Variants in UNC13C observed in about 807,000 individuals in gnomAD.
The protein encoded by UNC13C is protein unc-13 homolog C.
UNC13C carries 174 observed loss-of-function variants against 245.4 expected under a neutral mutation model. The observed-to-expected ratio is 0.71, with a 90% CI of 0.63 to 0.80. The LOEUF is 0.80. Among genes scored for constraint, UNC13C ranks in the 30% least tolerant of loss-of-function variants. UNC13C has a pLI of 0.00. For missense variants in UNC13C, 2,829 were observed against 2,602.9 expected (o/e 1.09, Z -1.89); for synonymous variants, 992 against 895.1 (o/e 1.11, Z -1.93).
chr15:54,462,910 G>T (rs1891934849), intron 19 of UNC13C, among the ~76,000 whole-genome samples: 1 of 152,126 alleles, frequency 6.6e-6, no homozygotes, highest in Non-Finnish European at 1.5e-5. Context: ...AAGCCAGCTG[G>T]GCTCCTGAGT....
At chr15:53,937,501 A>G in the UNC13C span, among the ~76,000 whole-genome samples, 3 of 152,320 alleles carry the variant, frequency 2.0e-5, no homozygotes, top group East Asian at 5.8e-4. Context: ...CTAGCAAGAC[A>G]GGCCAGCATT....
intron 2 of UNC13C, among the ~76,000 whole-genome samples, chr15:54,019,070 G>T (rs1895784941): frequency 6.6e-6 from 1 of 152,102 alleles, no homozygotes; most frequent in South Asian, 2.1e-4. Context: ...CCCTTTCCAG[G>T]CTGTTTACCT....
At chr15:54,165,857 T>A (rs145349568) in intron 4 of UNC13C, among the ~76,000 whole-genome samples, 113 of 152,128 alleles carry the variant, frequency 7.4e-4, no homozygotes, top group African/African-American at 2.6e-3. Context: ...TCCCTCCCTC[T>A]CTTTTTCTCC....
At chr15:54,325,568 A>C (rs2038278819) in intron 14 of UNC13C, among the ~76,000 whole-genome samples, 1 of 149,296 alleles carries the variant, frequency 6.7e-6, no homozygotes. Flanking sequence ...CCAGCCCCTC[A>C]CCCCTCGACA....
intron 4 of UNC13C, among the ~76,000 whole-genome samples, chr15:54,234,398 T>C (rs985408895): frequency 1.3e-5 from 2 of 152,216 alleles, no homozygotes; most frequent in African/African-American, 4.8e-5. Flanking sequence ...ATCAATATGC[T>C]ATTGATGAAC....
At chr15:54,296,453 C>T (rs534228702) in intron 11 of UNC13C, among the ~76,000 whole-genome samples, 69 of 150,180 alleles carry the variant, frequency 4.6e-4, no homozygotes, top group Non-Finnish European at 8.0e-4. Flanking sequence ...CTCCTGACCT[C>T]GTGATCCTCC....
chr15:54,285,298 C>T (rs559831869), intron 10 of UNC13C, among the ~76,000 whole-genome samples: 2 of 151,838 alleles, frequency 1.3e-5, no homozygotes, highest in South Asian at 4.2e-4. Context: ...TAAATTGCTC[C>T]TGTTAAATGT....
chr15:54,496,434 A>ATC (rs1469594869), intron 20 of UNC13C, among the ~76,000 whole-genome samples: 2 of 152,118 alleles, frequency 1.3e-5, no homozygotes, highest in African/African-American at 4.8e-5. Context: ...TAATCCAGCA[A>ATC]TCCCACTTCT....
At chr15:54,084,527 A>G (rs763442733) in intron 2 of UNC13C, among the ~76,000 whole-genome samples, 53 of 152,266 alleles carry the variant, frequency 3.5e-4, no homozygotes, top group Middle Eastern at 3.4e-3. Flanking sequence ...CTGGGTCTGA[A>G]TGTGTCCCCT....
chr15:54,202,855 G>T (rs565105543), intron 4 of UNC13C, among the ~76,000 whole-genome samples: 1 of 152,060 alleles, frequency 6.6e-6, no homozygotes, highest in Non-Finnish European at 1.5e-5. Context: ...CACAGCAAAA[G>T]AAATAAACAG....
chr15:54,341,311 TGG>T (rs2038723038), intron 17 of UNC13C, among the ~76,000 whole-genome samples: 1 of 152,164 alleles, frequency 6.6e-6, no homozygotes, highest in Non-Finnish European at 1.5e-5. Flanking sequence ...TGCAGCAACA[TGG>T]ATGTGTCCGG....
intron 19 of UNC13C, among the ~76,000 whole-genome samples, chr15:54,432,981 A>G (rs1272266308): frequency 6.6e-6 from 1 of 152,122 alleles, no homozygotes; most frequent in African/African-American, 2.4e-5. Flanking sequence ...ACACAAATAA[A>G]CTAGAAAATC....
At chr15:54,452,852 G>A (rs1424181576) in intron 19 of UNC13C, among the ~76,000 whole-genome samples, 2 of 152,174 alleles carry the variant, frequency 1.3e-5, no homozygotes, top group African/African-American at 2.4e-5. Context: ...GCATGAAAAC[G>A]CACAGCAGCC....
intron 19 of UNC13C, among the ~76,000 whole-genome samples, chr15:54,482,478 A>T (rs776547867): frequency 2.1e-4 from 32 of 152,262 alleles, no homozygotes; most frequent in Non-Finnish European, 3.5e-4. Context: ...GTGGGAATTT[A>T]AACCACTGGG....
the UNC13C span, among the ~76,000 whole-genome samples, chr15:53,948,841 G>C: frequency 0.012 from 1,880 of 152,110 alleles, 35 homozygotes; most frequent in African/African-American, 0.043. Context: ...GGAGAGACCT[G>C]AGACTGAATC....
At chr15:53,987,721 C>A (rs186337630) in intron 1 of UNC13C, among the ~76,000 whole-genome samples, 1 of 151,972 alleles carries the variant, frequency 6.6e-6, no homozygotes, top group Non-Finnish European at 1.5e-5. Context: ...TTGAAACATG[C>A]ACACAAAATT....
At chr15:54,622,516 C>A (rs1483117898) in intron 31 of UNC13C, 97 bp downstream of exon 31, 4 of 1,003,210 alleles carry the variant, frequency 4.0e-6, no homozygotes, top group Non-Finnish European at 6.0e-6. Context: ...AAAAAAACTG[C>A]ACAATTATTT....
At chr15:54,582,563 C>T (rs1898248450) in intron 30 of UNC13C, among the ~76,000 whole-genome samples, 1 of 152,018 alleles carries the variant, frequency 6.6e-6, no homozygotes, top group Non-Finnish European at 1.5e-5. Context: ...AAAGCAAAGG[C>T]CCAGAATGAG....
At chr15:54,190,695 AATT>A (rs1410715631) in intron 4 of UNC13C, among the ~76,000 whole-genome samples, 1 of 152,026 alleles carries the variant, frequency 6.6e-6, no homozygotes, top group African/African-American at 2.4e-5. Context: ...ATACTGCAAA[AATT>A]ATTATTTTTT....
Sources: allele counts gnomAD v4.1 joint callset (sites outside exome capture counted in the v4.1 genomes callset), GRCh38; gene constraint gnomAD v4.1.1; transcripts MANE v1.5; gene names NCBI Gene and HGNC (gene_info 2026-07-23, HGNC 2026-07-21).